FSTL4: variants seen among roughly 807,000 people sequenced by gnomAD.
FSTL4 encodes the protein follistatin-related protein 4.
In FSTL4, 28 loss-of-function variants were observed where a neutral mutation model predicts 78.2. The ratio of observed to expected loss-of-function variants is 0.36; its 90% confidence interval spans 0.27 to 0.49. The LOEUF is 0.49. FSTL4 is among the 20% of genes least tolerant of loss of function. The pLI, the probability that FSTL4 is intolerant of heterozygous loss-of-function variation, is 0.98. For synonymous variants in FSTL4, 422 were observed against 440.5 expected, an observed-to-expected ratio of 0.96 and a Z score of 0.53; for missense variants, 922 against 1,084.9, an observed-to-expected ratio of 0.85 and a Z score of 2.11.
the FSTL4 span, among the ~76,000 whole-genome samples, chr5:133,752,428 C>G: frequency 5.9e-5 from 9 of 151,966 alleles, no homozygotes; most frequent in African/African-American, 2.2e-4. Context: ...ACCAGCCTGG[C>G]CAACATGGTG....
At chr5:133,446,096 C>T (rs1757258784) in intron 3 of FSTL4, among the ~76,000 whole-genome samples, 2 of 152,182 alleles carry the variant, frequency 1.3e-5, no homozygotes, top group African/African-American at 2.4e-5. Flanking sequence ...GACTTCTCCA[C>T]CCCACCCCTA....
chr5:133,536,162 T>C (rs1759346828), intron 3 of FSTL4, among the ~76,000 whole-genome samples: 2 of 152,218 alleles, frequency 1.3e-5, no homozygotes, highest in African/African-American at 4.8e-5. Flanking sequence ...ATTATAAAAG[T>C]AGTATCTGTT....
intron 14 of FSTL4, among the ~76,000 whole-genome samples, chr5:133,204,295 A>G (rs1403307759): frequency 1.3e-5 from 2 of 152,156 alleles, no homozygotes; most frequent in African/African-American, 4.8e-5. Flanking sequence ...TGGTGGAGGG[A>G]GCCTCATTTG....
intron 6 of FSTL4, 34 bp from the exon 7 acceptor site, chr5:133,249,610 C>A: frequency 6.3e-7 from 1 of 1,580,552 alleles, no homozygotes; most frequent in Non-Finnish European, 8.7e-7. Flanking sequence ...CGGTCAGGTG[C>A]AGGCCCAGGG....
chr5:133,199,514 CACTG>C lies in FSTL4; in HGVS notation c.2106_2109del (p.Ser703LeufsTer27). 1.9e-6 allele frequency: 3 copies of C among 1,614,204 alleles called. No individual in the cohort carries two copies. Among genetic ancestry groups the C allele is most frequent in the Non-Finnish European group, 2.5e-6 (3 of 1,180,008 alleles). ...TGCAGCCAGGGGCTGTCAGCTGCAG[CACTG>C]ACTATGAAGCGCCCGTCGGGGGATG... On this transcript the variant is annotated frameshift_variant, in exon 16 of 16. Coordinates refer to ENST00000265342, the MANE Select transcript of FSTL4 (RefSeq NM_015082.2). LOFTEE classifies it low-confidence loss of function (END_TRUNC). The surrounding 1 kb of genome is among the most constrained non-coding windows in gnomAD (Gnocchi z 4.4).
At chr5:133,480,027 C>T (rs1200181403) in intron 3 of FSTL4, among the ~76,000 whole-genome samples, 1 of 152,136 alleles carries the variant, frequency 6.6e-6, no homozygotes, top group African/African-American at 2.4e-5. Context: ...CTCTACCCTC[C>T]CTATAAGGAT....
At chr5:133,830,297 T>C in the FSTL4 span, among the ~76,000 whole-genome samples, 8 of 152,324 alleles carry the variant, frequency 5.3e-5, no homozygotes, top group East Asian at 1.4e-3. Flanking sequence ...TAAATCTGGA[T>C]GTGCCTGTGT....
intron 3 of FSTL4, among the ~76,000 whole-genome samples, chr5:133,460,786 A>G (rs1757576532): frequency 6.6e-6 from 1 of 152,210 alleles, no homozygotes; most frequent in Non-Finnish European, 1.5e-5. Flanking sequence ...CGTTTGATAA[A>G]CAAGGGCTTG....
chr5:133,653,403 C>T, the FSTL4 span, among the ~76,000 whole-genome samples: 1 of 152,162 alleles, frequency 6.6e-6, no homozygotes, highest in East Asian at 1.9e-4. Flanking sequence ...GAATCCTAAC[C>T]ACTCTGGGTC....
intron 5 of FSTL4, among the ~76,000 whole-genome samples, chr5:133,315,530 A>G (rs1038455928): frequency 6.6e-6 from 1 of 152,152 alleles, no homozygotes; most frequent in Non-Finnish European, 1.5e-5. Flanking sequence ...CATGTTTAAG[A>G]TATCTTTAAA....
chr5:133,826,384 C>T, the FSTL4 span, among the ~76,000 whole-genome samples: 256 of 152,310 alleles, frequency 1.7e-3, no homozygotes, highest in Non-Finnish European at 2.6e-3. Flanking sequence ...TGGCTTATAA[C>T]GACAGAAATG....
At chr5:133,245,033 T>C (rs896170286) in intron 7 of FSTL4, among the ~76,000 whole-genome samples, 1 of 149,924 alleles carries the variant, frequency 6.7e-6, no homozygotes, top group African/African-American at 2.5e-5. Flanking sequence ...GATGGGAGGA[T>C]CGCTTGAGCT....
At chr5:133,707,013 C>T in the FSTL4 span, among the ~76,000 whole-genome samples, 1 of 152,142 alleles carries the variant, frequency 6.6e-6, no homozygotes, top group Admixed American at 6.5e-5. Flanking sequence ...ATAAGCACAA[C>T]GTTATTCCTT....
chr5:133,778,306 T>A, the FSTL4 span, among the ~76,000 whole-genome samples: 1 of 152,032 alleles, frequency 6.6e-6, no homozygotes, highest in Non-Finnish European at 1.5e-5. Context: ...TTACCATCAT[T>A]CTTTTTGCCT....
At chr5:133,326,731 T>G (rs1348984840) in intron 4 of FSTL4, among the ~76,000 whole-genome samples, 1 of 152,250 alleles carries the variant, frequency 6.6e-6, no homozygotes, top group East Asian at 1.9e-4. Context: ...CTTGGCTCTG[T>G]GAGCCTGGAG....
intron 4 of FSTL4, among the ~76,000 whole-genome samples, chr5:133,326,480 C>A (rs1355163001): frequency 3.9e-5 from 6 of 152,206 alleles, no homozygotes; most frequent in Admixed American, 3.9e-4. Flanking sequence ...TCTCTCAGCA[C>A]CCTGTGGCGG....
At chr5:133,662,159 C>A in the FSTL4 span, among the ~76,000 whole-genome samples, 1 of 152,076 alleles carries the variant, frequency 6.6e-6, no homozygotes, top group Non-Finnish European at 1.5e-5. Context: ...ATTAAACTTT[C>A]CAGATTTCTA....
In FSTL4 at chr5:133,236,059, C is replaced by T. The variant is rs1751651471; in HGVS notation, c.895-2522G>A. 6.6e-6 allele frequency among the ~76,000 whole-genome samples: 1 copy of T among 151,852 alleles called. No homozygotes were observed. The highest frequency in any genetic ancestry group is 1.5e-5 in the Non-Finnish European group (1 of 67,938). Reference sequence around the variant, plus strand: ...GGTGGGTCCCAGGGCAGACACCATCCGAGAGGGCAAAAACCAGAGCTGCTT... The same window carrying T: ...GGTGGGTCCCAGGGCAGACACCATCTGAGAGGGCAAAAACCAGAGCTGCTT... On this transcript the variant is annotated intron_variant, in intron 7 of 15. Coordinates refer to ENST00000265342, the MANE Select transcript of FSTL4 (RefSeq NM_015082.2). This position sits in a 1 kb window ranked among gnomAD's most constrained non-coding sequence, Gnocchi z 5.0.
At chr5:133,817,903 C>A in the FSTL4 span, among the ~76,000 whole-genome samples, 1 of 152,164 alleles carries the variant, frequency 6.6e-6, no homozygotes, top group Non-Finnish European at 1.5e-5. Flanking sequence ...AAAACAGTGG[C>A]CCCATTTTAA....
Sources: gnomAD v4.1 joint callset for allele counts (sites outside exome capture counted in the v4.1 genomes callset) on GRCh38, gnomAD v4.1.1 for gene constraint, Gnocchi (gnomAD v3.1) non-coding constraint, MANE v1.5 for transcripts, NCBI Gene and HGNC (gene_info 2026-07-23, HGNC 2026-07-21) for gene names.